TVP23C: variants seen among roughly 807,000 people sequenced by gnomAD.
TVP23C encodes the protein Golgi apparatus membrane protein TVP23 homolog C.
In TVP23C, 19 loss-of-function variants were observed where a neutral mutation model predicts 28.7. That is an observed-to-expected ratio of 0.66 (90% CI 0.46 to 0.97). The LOEUF (loss-of-function observed/expected upper bound fraction) is 0.97, where lower values mean the gene tolerates loss of function less well. Ranked by LOEUF, TVP23C falls within the 50% of genes least tolerant of loss-of-function variation. The probability of loss-of-function intolerance (pLI) is 0.00; values close to 1 mark genes in which losing one functional copy is unlikely to be tolerated. For missense variants in TVP23C, 186 were observed against 241.3 expected (o/e 0.77, Z 1.52); for synonymous variants, 68 against 81.7 (o/e 0.83, Z 0.90).
intron 3 of TVP23C, among the ~76,000 whole-genome samples, chr17:15,552,645 T>C (rs1378838615): frequency 2.0e-5 from 3 of 151,646 alleles, no homozygotes; most frequent in Non-Finnish European, 2.9e-5. Flanking sequence ...GATCATGCCA[T>C]TGCACTCCAG....
At chr17:15,528,590 C>A (rs932465763) in intron 5 of TVP23C, among the ~76,000 whole-genome samples, 1 of 151,954 alleles carries the variant, frequency 6.6e-6, no homozygotes, top group Non-Finnish European at 1.5e-5. Flanking sequence ...TGGACAGAGT[C>A]TCTACAGATG....
rs547305458 is a variant in TVP23C at position 15,530,141 on chromosome 17, T to TA, written c.462+15643dup. ...CTGAATTATTTAACTGGTTTTCTTC[T>TA]AATATAATTACTGATAAGGTGGGAG... is the stretch of plus-strand genomic sequence containing the variant. On this transcript the variant is annotated intron_variant, in intron 5 of 5. Coordinates refer to the TVP23C transcript ENST00000225576. 2.0e-4 allele frequency among the ~76,000 whole-genome samples: 31 copies of TA among 152,344 alleles called. No individual in the cohort carries two copies. The South Asian group carries it at 3.5e-3, about 17-fold the overall frequency.
chr17:15,511,413 C>T (rs565933074), intron 5 of TVP23C, among the ~76,000 whole-genome samples: 2 of 152,264 alleles, frequency 1.3e-5, no homozygotes, highest in African/African-American at 2.4e-5. Flanking sequence ...CCACTGGAAG[C>T]CTTAATTGTA....
Position 15,560,454 on chromosome 17 carries a change from A to C in TVP23C, c.12+2983T>G, listed in dbSNP as rs530065612. Among the ~76,000 whole-genome samples, 61 of 149,910 alleles carry C rather than the reference A, an allele frequency of 4.1e-4. 4 individuals carry two copies. The highest frequency in any genetic ancestry group is 7.5e-4 in the Non-Finnish European group (50 of 66,878). On this transcript the variant is annotated intron_variant, in intron 1 of 5. Transcript: ENST00000518321. ...AGGGGAAGAGAGACTGACTAGAATG[A>C]ATACAAGAGAGACTGGAAGAATTAA...
intron 5 of TVP23C, among the ~76,000 whole-genome samples, chr17:15,543,165 T>C (rs2654288): frequency 0.077 from 10,035 of 130,580 alleles, 581 homozygotes; most frequent in East Asian, 0.16. Flanking sequence ...AAGAGCCTGG[T>C]AAGTTCTCCA....
intron 5 of TVP23C, among the ~76,000 whole-genome samples, chr17:15,504,569 A>AT (rs35169392): frequency 0.26 from 39,622 of 151,428 alleles, 5,936 homozygotes; most frequent in African/African-American, 0.41. Flanking sequence ...AATAAAGACA[A>AT]TTTTTTTTTA....
At chr17:15,551,927 C>T (rs1983910767) in intron 3 of TVP23C, among the ~76,000 whole-genome samples, 1 of 152,158 alleles carries the variant, frequency 6.6e-6, no homozygotes, top group Non-Finnish European at 1.5e-5. Context: ...TTCTTGACTT[C>T]TTAATTTTGC....
At chr17:15,558,706 A>C (rs1357783502) in intron 1 of TVP23C, among the ~76,000 whole-genome samples, 2 of 148,474 alleles carry the variant, frequency 1.3e-5, no homozygotes, top group African/African-American at 4.9e-5. Context: ...TCAGGCAAGG[A>C]AACTGATTCT....
chr17:15,543,951 T>C (rs1175278378), intron 5 of TVP23C, among the ~76,000 whole-genome samples: 1 of 152,008 alleles, frequency 6.6e-6, no homozygotes, highest in Non-Finnish European at 1.5e-5. Context: ...AATGCAAAGA[T>C]TTAACAGAAA....
chr17:15,538,311 C>A lies in TVP23C; in HGVS notation c.*2101G>T. ...CACATTAAAAAGTAGACATGCTAGG[C>A]TGGGCGCCGTGGCTTACACCTGTAA... On this transcript the variant is annotated 3_prime_UTR_variant, in exon 6 of 6. Transcript: ENST00000518321. 1 of 982,476 alleles carries A rather than the reference C, an allele frequency of 1.0e-6. No individual in the cohort carries two copies. Among genetic ancestry groups the A allele is most frequent in the Non-Finnish European group, 1.2e-6 (1 of 827,284 alleles). The allele number at this position is 982,476 out of a possible 1,614,324, so 60.9% of individuals were successfully genotyped here.
intron 5 of TVP23C, among the ~76,000 whole-genome samples, chr17:15,525,586 C>T (rs1434564747): frequency 3.9e-5 from 6 of 152,204 alleles, no homozygotes; most frequent in Non-Finnish European, 8.8e-5. Context: ...GAGTTCCAGC[C>T]TGCTGGCCTG....
At chr17:15,506,011 G>A (rs1395285457) in intron 5 of TVP23C, among the ~76,000 whole-genome samples, 7 of 152,334 alleles carry the variant, frequency 4.6e-5, no homozygotes, top group Middle Eastern at 3.4e-3. Context: ...CCTCCCCGAC[G>A]AGCGCCACCC....
intron 1 of TVP23C, among the ~76,000 whole-genome samples, chr17:15,557,071 T>C (rs1018201203): frequency 3.4e-5 from 5 of 149,112 alleles, no homozygotes; most frequent in African/African-American, 1.2e-4. Flanking sequence ...AGAAAACTCT[T>C]CCCTTCCCCA....
chr17:15,505,787 C>T (rs978532171), intron 5 of TVP23C, among the ~76,000 whole-genome samples: 2 of 120,282 alleles, frequency 1.7e-5, no homozygotes, highest in African/African-American at 3.3e-5. Context: ...GCCCCGCACT[C>T]GGAGCAGCCG....
rs1398023467 is a variant in TVP23C, at chr17:15,538,138, G to C, written c.*2274C>G. The C allele has an allele frequency of 1.1e-5, 17 of 1,613,766 alleles. No homozygotes were observed. The highest frequency in any genetic ancestry group is 1.4e-5 in the Non-Finnish European group (17 of 1,179,832). On this transcript the variant is annotated 3_prime_UTR_variant, in exon 6 of 6. Coordinates refer to ENST00000518321, the MANE Select transcript of TVP23C (RefSeq NM_001135036.2). ...TAAGCTTTCTCTATTCAGGAAGTCT[G>C]ATCATCTCCAGTGTTCCGCAAAAGA...
chr17:15,522,442 C>T (rs1242134827), intron 5 of TVP23C, among the ~76,000 whole-genome samples: 1 of 152,000 alleles, frequency 6.6e-6, no homozygotes, highest in Non-Finnish European at 1.5e-5. Flanking sequence ...CTATTCACAC[C>T]AGGAACTTGG....
exon 6 of TVP23C, chr17:15,502,874 C>T (rs749349533): frequency 3.8e-6 from 6 of 1,585,688 alleles, no homozygotes; most frequent in Admixed American, 3.5e-5. Context: ...TTAATGCATT[C>T]CGGATGCCAG....
At chr17:15,502,724 CTCTCTCTT>C (rs1245857430) in exon 6 of TVP23C, 8 of 1,218,352 alleles carry the variant, frequency 6.6e-6, no homozygotes, top group South Asian at 1.9e-5. Flanking sequence ...TCTCTCCTCT[CTCTCTCTT>C]TCTCTCTCCT....
chr17:15,515,749 T>C (rs1982199304), intron 5 of TVP23C, among the ~76,000 whole-genome samples: 3 of 152,068 alleles, frequency 2.0e-5, no homozygotes. Context: ...TCCAAATGTC[T>C]TCTGGGTGGA....
Sources: allele counts gnomAD v4.1 joint callset (sites outside exome capture counted in the v4.1 genomes callset), GRCh38; gene constraint gnomAD v4.1.1; transcripts MANE v1.5; gene names NCBI Gene and HGNC (gene_info 2026-07-23, HGNC 2026-07-21).